The following COL4A5 variants were observed in gnomAD, a reference collection of about 807,000 sequenced individuals.
COL4A5 encodes the protein collagen type IV alpha 5 chain, also known as collagen alpha-5(IV) chain.
Under a neutral mutation model 130.2 loss-of-function variants are expected in COL4A5, and 26 were observed. The ratio of observed to expected loss-of-function variants is 0.20; its 90% CI spans 0.15 to 0.28. COL4A5 has a LOEUF of 0.28. COL4A5 is among the 10% of genes least tolerant of loss of function. The pLI is 1.00. For missense variants in COL4A5, 1,131 were observed against 1,344.3 expected (o/e 0.84, Z 2.48); for synonymous variants, 496 against 439.6 (o/e 1.13, Z -1.60).
intron 1 of COL4A5, among the ~76,000 whole-genome samples, chrX:108,527,821 A>G (rs1016649264): frequency 9.0e-6 from 1 of 111,398 alleles, no homozygotes; most frequent in African/African-American, 3.3e-5. Flanking sequence ...TAAACTCCCA[A>G]CCACTACCAC....
chrX:108,688,783 T>C (rs2068596343), intron 49 of COL4A5, among the ~76,000 whole-genome samples: 1 of 111,724 alleles, frequency 9.0e-6, no homozygotes. Context: ...CATAAAGACA[T>C]TTAAGAAGAT....
At chrX:108,501,705 G>T (rs1308477795) in intron 1 of COL4A5, among the ~76,000 whole-genome samples, 3 of 112,303 alleles carry the variant, frequency 2.7e-5, no homozygotes, top group Non-Finnish European at 5.6e-5. Context: ...TGATATAGTT[G>T]TGTCAATGAC....
At chrX:108,458,871 T>A (rs1347729403) in intron 1 of COL4A5, among the ~76,000 whole-genome samples, 1 of 109,765 alleles carries the variant, frequency 9.1e-6, no homozygotes, top group African/African-American at 3.3e-5. Context: ...TCCCAGCTAC[T>A]GGGGAGGCTG....
At chrX:108,592,540 T>C in intron 21 of COL4A5, among the ~76,000 whole-genome samples, 1 of 111,125 alleles carries the variant, frequency 9.0e-6, no homozygotes. Flanking sequence ...TCTTGTTTTC[T>C]CTTAAACATA....
chrX:108,680,834 A>G, intron 45 of COL4A5, 51 bp from the exon 46 acceptor site: 1 of 1,188,994 alleles, frequency 8.4e-7, no homozygotes, highest in Non-Finnish European at 1.1e-6. Flanking sequence ...GACTGGGTAA[A>G]GGTTGTAGCC....
At chrX:108,591,755 C>G in intron 21 of COL4A5, 111 bp downstream of exon 21, 1 of 597,347 alleles carries the variant, frequency 1.7e-6, no homozygotes, top group Admixed American at 2.6e-5. Flanking sequence ...ATGGTCATAC[C>G]CCAAGACCAT....
intron 1 of COL4A5, among the ~76,000 whole-genome samples, chrX:108,456,117 A>G (rs1238610539): frequency 9.0e-6 from 1 of 111,358 alleles, no homozygotes; most frequent in Admixed American, 9.5e-5. Flanking sequence ...CCTCTCCATT[A>G]ATTTAGGTAT....
chrX:108,684,074 A>C (rs1248985885), intron 47 of COL4A5, among the ~76,000 whole-genome samples: 1 of 111,814 alleles, frequency 8.9e-6, no homozygotes, highest in East Asian at 2.8e-4. Context: ...AATGAGAACA[A>C]AGACACAATG....
chrX:108,478,271 T>TA (rs995814820), intron 1 of COL4A5, among the ~76,000 whole-genome samples: 1 of 111,445 alleles, frequency 9.0e-6, no homozygotes, highest in African/African-American at 3.3e-5. Flanking sequence ...AATCTTGACT[T>TA]ACGGTTTAAT....
chrX:108,620,724 C>A (rs2147861009), intron 31 of COL4A5, among the ~76,000 whole-genome samples: 1 of 112,059 alleles, frequency 8.9e-6, no homozygotes, highest in East Asian at 2.8e-4. Context: ...TTGACTGGTT[C>A]ATTTATCTCT....
intron 43 of COL4A5, chrX:108,677,020 A>G (rs775449528): frequency 8.9e-6 from 1 of 112,348 alleles, no homozygotes; most frequent in East Asian, 2.8e-4. Flanking sequence ...CTATAACTGA[A>G]CAATCAATTG....
chrX:108,633,047 T>G (rs2067293949), intron 36 of COL4A5, among the ~76,000 whole-genome samples: 1 of 111,708 alleles, frequency 9.0e-6, no homozygotes, highest in African/African-American at 3.3e-5. Flanking sequence ...ATTGTCCCTG[T>G]TTGCAGATGA....
intron 49 of COL4A5, among the ~76,000 whole-genome samples, chrX:108,692,222 C>T (rs2068649481): frequency 9.0e-6 from 1 of 111,148 alleles, no homozygotes; most frequent in Admixed American, 9.7e-5. Context: ...TTTCCCCTCA[C>T]ATCTTTCCTT....
chrX:108,468,970 A>C (rs2064736731), intron 1 of COL4A5, among the ~76,000 whole-genome samples: 1 of 110,959 alleles, frequency 9.0e-6, no homozygotes, highest in Middle Eastern at 4.2e-3. Context: ...TAGTGAAGCT[A>C]TCTAGCTATG....
chrX:108,465,073 T>A (rs187727919), intron 1 of COL4A5, among the ~76,000 whole-genome samples: 62 of 112,086 alleles, frequency 5.5e-4, no homozygotes, highest in African/African-American at 2.0e-3. Context: ...CCTATCCCTG[T>A]ACCCTGAAAG....
intron 1 of COL4A5, among the ~76,000 whole-genome samples, chrX:108,450,196 C>T (rs1314239863): frequency 1.8e-5 from 2 of 112,005 alleles, no homozygotes; most frequent in African/African-American, 6.5e-5. Context: ...ATAGTTGTTT[C>T]TAGGAAAAGC....
At chrX:108,571,318 C>T in intron 6 of COL4A5, 95 bp from the exon 7 acceptor site, 1 of 693,122 alleles carries the variant, frequency 1.4e-6, no homozygotes. Flanking sequence ...TTCAAAATGG[C>T]TTTTATAGAA....
chrX:108,519,108 G>GAGAAATA (rs2065245293), intron 1 of COL4A5, among the ~76,000 whole-genome samples: 1 of 111,169 alleles, frequency 9.0e-6, no homozygotes, highest in African/African-American at 3.3e-5. Context: ...ATTTGTTAGG[G>GAGAAATA]AGAAATAACA....
intron 18 of COL4A5, among the ~76,000 whole-genome samples, chrX:108,585,006 T>C (rs1275003917): frequency 1.8e-5 from 2 of 111,879 alleles, no homozygotes; most frequent in Admixed American, 1.9e-4. Flanking sequence ...GTGTGTGCTT[T>C]CTAGGGACTT....
Sources: allele counts gnomAD v4.1 joint callset (sites outside exome capture counted in the v4.1 genomes callset), GRCh38; gene constraint gnomAD v4.1.1; transcripts MANE v1.5; gene names NCBI Gene and HGNC (gene_info 2026-07-23, HGNC 2026-07-21).